Variants in DIAPH3 observed in about 807,000 individuals in gnomAD.
DIAPH3 encodes the protein diaphanous related formin 3, also known as protein diaphanous homolog 3.
DIAPH3 carries 117 observed loss-of-function variants against 144.3 expected under a neutral mutation model. That is an observed-to-expected ratio of 0.81 (90% CI 0.70 to 0.95). DIAPH3 has a LOEUF of 0.95. Among genes scored for constraint, DIAPH3 ranks in the 40% least tolerant of loss-of-function variants. The pLI, the probability that DIAPH3 is intolerant of heterozygous loss-of-function variation, is 0.00. For synonymous variants in DIAPH3, 519 were observed against 488.9 expected (o/e 1.06, Z -0.81); for missense variants, 1,421 against 1,412.7 (o/e 1.01, Z -0.09).
At chr13:59,960,159 T>C (rs192575189) in intron 17 of DIAPH3, among the ~76,000 whole-genome samples, 21 of 152,332 alleles carry the variant, frequency 1.4e-4, no homozygotes, top group Admixed American at 1.2e-3. Flanking sequence ...TTGAATAATT[T>C]TCACTTCAAG....
intron 1 of DIAPH3, among the ~76,000 whole-genome samples, chr13:60,154,883 T>C (rs1566831864): frequency 6.6e-6 from 1 of 152,252 alleles, no homozygotes. Context: ...TAGAGGATAC[T>C]ATGTGCTAAG....
At chr13:60,139,368 C>A (rs969475735) in intron 1 of DIAPH3, among the ~76,000 whole-genome samples, 1 of 152,132 alleles carries the variant, frequency 6.6e-6, no homozygotes. Flanking sequence ...AGCTCTCCAG[C>A]CTCTTTTAAT....
In DIAPH3 at chr13:60,004,495, C is replaced by A. The variant is rs2052738266; in HGVS notation, c.1014+4049G>T. On this transcript the variant is annotated intron_variant, in intron 9 of 27. Coordinates refer to ENST00000400324, the MANE Select transcript of DIAPH3 (RefSeq NM_001042517.2). ...TATCTTTTACTCTGAAGCCTGCTAC[C>A]TGCTAGCTATTTCACACATTAGGCT... Among the ~76,000 whole-genome samples, 3 of 152,158 alleles carry A rather than the reference C, an allele frequency of 2.0e-5. No individual in the cohort carries two copies. The South Asian group carries it at 6.2e-4, about 32-fold the overall frequency.
chr13:59,758,228 G>C (rs1035853853), intron 27 of DIAPH3, among the ~76,000 whole-genome samples: 8 of 152,136 alleles, frequency 5.3e-5, no homozygotes, highest in Admixed American at 2.0e-4. Flanking sequence ...ATGTCTGATA[G>C]AAGCAAAAGA....
At chr13:59,908,591 T>C (rs2046851002) in intron 20 of DIAPH3, among the ~76,000 whole-genome samples, 1 of 152,088 alleles carries the variant, frequency 6.6e-6, no homozygotes, top group African/African-American at 2.4e-5. Context: ...TAAAGTTGAT[T>C]ATATAATGCA....
rs759454089 is a variant in DIAPH3 at position 59,870,827 on chromosome 13, C to T, written c.2607+8402G>A. The stretch of plus-strand genomic sequence containing the variant: ...CTGGGATTACAAGCATGTGCCACCA[C>T]GCCTGGCTAATTTTGTATTTTTAGT... On this transcript the variant is annotated intron_variant, in intron 21 of 27. Coordinates refer to ENST00000400324, the MANE Select transcript of DIAPH3 (RefSeq NM_001042517.2). Among the ~76,000 whole-genome samples the T allele has an allele frequency of 7.9e-5, 12 of 152,058 alleles. No homozygotes were observed. The East Asian group carries it at 1.4e-3, about 17-fold the overall frequency.
chr13:59,988,370 A>G (rs758351835), intron 12 of DIAPH3, among the ~76,000 whole-genome samples: 1 of 151,876 alleles, frequency 6.6e-6, no homozygotes, highest in Non-Finnish European at 1.5e-5. Context: ...TCTACTCAAC[A>G]TTATTCTAAT....
intron 4 of DIAPH3, among the ~76,000 whole-genome samples, chr13:60,072,254 A>G (rs770433131): frequency 1.3e-5 from 2 of 151,850 alleles, no homozygotes; most frequent in African/African-American, 2.4e-5. Context: ...ATTCTTCTCT[A>G]CCTCTCTCCA....
intron 27 of DIAPH3, among the ~76,000 whole-genome samples, chr13:59,733,449 A>G (rs1053236790): frequency 6.6e-6 from 1 of 152,204 alleles, no homozygotes; most frequent in East Asian, 1.9e-4. Context: ...CTTGTGTCTT[A>G]TCGTCTTATC....
At chr13:59,748,974 G>A (rs1228020604) in intron 27 of DIAPH3, among the ~76,000 whole-genome samples, 1 of 152,018 alleles carries the variant, frequency 6.6e-6, no homozygotes, top group Admixed American at 6.6e-5. Flanking sequence ...AGCACTTTAG[G>A]AGGCCGAGGT....
chr13:60,108,054 G>A, intron 3 of DIAPH3, among the ~76,000 whole-genome samples: 1 of 152,102 alleles, frequency 6.6e-6, no homozygotes, highest in Admixed American at 6.5e-5. Flanking sequence ...TAGTGTCTAA[G>A]GTGAAGAGAA....
intron 27 of DIAPH3, among the ~76,000 whole-genome samples, chr13:59,692,032 T>C (rs2033549662): frequency 6.6e-6 from 1 of 151,964 alleles, no homozygotes; most frequent in Non-Finnish European, 1.5e-5. Flanking sequence ...GAATACCCCA[T>C]GTATAGTTCA....
At chr13:59,714,529 T>C (rs1048332015) in intron 27 of DIAPH3, among the ~76,000 whole-genome samples, 3 of 152,174 alleles carry the variant, frequency 2.0e-5, no homozygotes, top group South Asian at 2.1e-4. Context: ...AGTGAGACCA[T>C]GTCTAAGTTA....
At chr13:59,927,990 T>C (rs2047836041) in intron 17 of DIAPH3, among the ~76,000 whole-genome samples, 1 of 152,176 alleles carries the variant, frequency 6.6e-6, no homozygotes, top group African/African-American at 2.4e-5. Flanking sequence ...CCTTTTCCCA[T>C]CTCTTCTCCT....
chr13:60,125,814 T>C (rs1431321992), intron 2 of DIAPH3, among the ~76,000 whole-genome samples: 3 of 151,776 alleles, frequency 2.0e-5, no homozygotes, highest in Admixed American at 6.6e-5. Flanking sequence ...TGGGTAGCAA[T>C]AGGAAGCTGC....
At chr13:60,079,233 A>T (rs1369219745) in intron 4 of DIAPH3, among the ~76,000 whole-genome samples, 1 of 152,124 alleles carries the variant, frequency 6.6e-6, no homozygotes, top group African/African-American at 2.4e-5. Flanking sequence ...TTTATTTAAG[A>T]TTCCAGAGAT....
intron 27 of DIAPH3, among the ~76,000 whole-genome samples, chr13:59,736,370 T>C (rs758877871): frequency 1.3e-5 from 2 of 152,142 alleles, no homozygotes; most frequent in Non-Finnish European, 2.9e-5. Context: ...CACCACACTG[T>C]CTTCTATATA....
At chr13:59,741,825 AG>A (rs1317484211) in intron 27 of DIAPH3, among the ~76,000 whole-genome samples, 1 of 152,148 alleles carries the variant, frequency 6.6e-6, no homozygotes, top group Non-Finnish European at 1.5e-5. Flanking sequence ...AAAATGACAT[AG>A]GGGGTAAAAT....
chr13:59,926,595 C>G (rs1322442764), intron 17 of DIAPH3, among the ~76,000 whole-genome samples: 1 of 152,096 alleles, frequency 6.6e-6, no homozygotes, highest in Non-Finnish European at 1.5e-5. Context: ...TCTAACTGGA[C>G]ATTAGAGAAG....
Sources: gnomAD v4.1 joint callset for allele counts (sites outside exome capture counted in the v4.1 genomes callset) on GRCh38, gnomAD v4.1.1 for gene constraint, MANE v1.5 for transcripts, NCBI Gene and HGNC (gene_info 2026-07-23, HGNC 2026-07-21) for gene names.